Variants in PTPN2 observed in about 807,000 individuals in gnomAD.
PTPN2 encodes protein tyrosine phosphatase non-receptor type 2.
Under a neutral mutation model 57.3 loss-of-function variants are expected in PTPN2, and 19 were observed. The ratio of observed to expected loss-of-function variants is 0.33; its 90% CI spans 0.23 to 0.49. PTPN2 has a LOEUF of 0.49. Among genes scored for constraint, PTPN2 ranks in the 20% least tolerant of loss-of-function variants. The pLI is 0.99. For synonymous variants in PTPN2, 153 were observed against 164.9 expected, an observed-to-expected ratio of 0.93 and a Z score of 0.55; for missense variants, 358 against 501.1, an observed-to-expected ratio of 0.71 and a Z score of 2.73.
intron 1 of PTPN2, among the ~76,000 whole-genome samples, chr18:12,881,646 A>C (rs2044670248): frequency 6.6e-6 from 1 of 152,080 alleles, no homozygotes; most frequent in Non-Finnish European, 1.5e-5. Flanking sequence ...TGGAACAGTA[A>C]TTCTCTTCAC....
At chr18:12,807,551 G>C in intron 7 of PTPN2, among the ~76,000 whole-genome samples, 1 of 77,830 alleles carries the variant, frequency 1.3e-5, no homozygotes, top group East Asian at 4.3e-4. Flanking sequence ...AATGAATGGA[G>C]GGAGAAAGAA....
At position 12,794,912 on chromosome 18, in the gene PTPN2, G is replaced by A. The variant is rs1333878580; in HGVS notation, c.1041-427C>T. Among the ~76,000 whole-genome samples, 5 of 152,234 alleles carry A rather than the reference G, an allele frequency of 3.3e-5. No individual in the cohort carries two copies. In the South Asian group the frequency reaches 1.0e-3, roughly 32 times the overall value. On this transcript the variant is annotated intron_variant, in intron 8 of 8. Transcript: ENST00000309660. ...TCCTGAGATTACAGGTGTGAGCCAC[G>A]GCGCCCGGCCAAGAAAAGCCTCAAT...
intron 5 of PTPN2, among the ~76,000 whole-genome samples, chr18:12,818,491 C>T (rs1471775087): frequency 6.6e-6 from 1 of 152,144 alleles, no homozygotes; most frequent in African/African-American, 2.4e-5. Context: ...CCTGGATATT[C>T]CTGATGATCT....
intron 1 of PTPN2, among the ~76,000 whole-genome samples, chr18:12,881,761 A>C (rs2044674172): frequency 1.3e-5 from 2 of 152,106 alleles, no homozygotes; most frequent in Admixed American, 6.5e-5. Flanking sequence ...CTTTTTGGGA[A>C]ATACAGGACT....
intron 7 of PTPN2, among the ~76,000 whole-genome samples, chr18:12,809,367 G>C (rs2145284090): frequency 6.6e-6 from 1 of 152,274 alleles, no homozygotes; most frequent in African/African-American, 2.4e-5. Context: ...AGTGTATCTG[G>C]GCCCCTGCAG....
At chr18:12,812,742 A>G (rs2041935726) in intron 7 of PTPN2, among the ~76,000 whole-genome samples, 1 of 152,220 alleles carries the variant, frequency 6.6e-6, no homozygotes, top group Non-Finnish European at 1.5e-5. Context: ...GCAGAAATTA[A>G]CCCCTTGGAA....
intron 6 of PTPN2, among the ~76,000 whole-genome samples, chr18:12,814,768 G>A (rs1306241541): frequency 1.3e-5 from 2 of 151,792 alleles, no homozygotes; most frequent in Admixed American, 6.6e-5. Flanking sequence ...CTACAGACAC[G>A]ATGTCTGGAT....
At chr18:12,875,614 T>C (rs1306441812) in intron 1 of PTPN2, among the ~76,000 whole-genome samples, 1 of 152,194 alleles carries the variant, frequency 6.6e-6, no homozygotes, top group Non-Finnish European at 1.5e-5. Flanking sequence ...AGTTAAGGAA[T>C]AGAGAGTAGA....
At chr18:12,815,452 T>C (rs1423765861) in intron 6 of PTPN2, among the ~76,000 whole-genome samples, 1 of 151,772 alleles carries the variant, frequency 6.6e-6, no homozygotes, top group African/African-American at 2.4e-5. Flanking sequence ...TAAAATAAAA[T>C]GAAGAAAGAC....
intron 2 of PTPN2, among the ~76,000 whole-genome samples, chr18:12,853,536 T>C (rs1328152000): frequency 1.3e-5 from 2 of 152,190 alleles, no homozygotes; most frequent in East Asian, 3.8e-4. Context: ...TGAGCCCCTC[T>C]GGACTTAGTG....
At chr18:12,883,892 ACC>A in intron 1 of PTPN2, 179 bp downstream of exon 1, 1 of 471,418 alleles carries the variant, frequency 2.1e-6, no homozygotes, top group South Asian at 3.1e-5. Context: ...TTTTTTTTAA[ACC>A]AAAAGGAGCA....
At chr18:12,820,573 T>G (rs1489099212) in intron 5 of PTPN2, among the ~76,000 whole-genome samples, 1 of 152,144 alleles carries the variant, frequency 6.6e-6, no homozygotes, top group Admixed American at 6.5e-5. Flanking sequence ...ACTTTACAAT[T>G]TTTGGCAAAC....
chr18:12,802,245 G>T, intron 7 of PTPN2, 94 bp from the exon 8 acceptor site: 1 of 1,044,298 alleles, frequency 9.6e-7, no homozygotes, highest in Non-Finnish European at 1.3e-6. Flanking sequence ...CTATATTCAA[G>T]TTAAGAAAAC....
In PTPN2 at chr18:12,866,007, A is replaced by T. The variant is rs2043979481; in HGVS notation, c.70-6753T>A. ...ATGGTAGCACTTTTAATAATAGCTA[A>T]AACAATCATTTGTCCATCAACTGGT... On this transcript the variant is annotated intron_variant, in intron 1 of 8. Transcript: ENST00000309660. Among the ~76,000 whole-genome samples the T allele has an allele frequency of 2.0e-5, 3 of 152,234 alleles. No individual in the cohort carries two copies. The South Asian group carries it at 6.2e-4, about 31-fold the overall frequency.
At chr18:12,833,053 T>C (rs962737139) in intron 3 of PTPN2, among the ~76,000 whole-genome samples, 2 of 152,212 alleles carry the variant, frequency 1.3e-5, no homozygotes, top group Non-Finnish European at 2.9e-5. Flanking sequence ...CCTCCCCAAG[T>C]GCTGGGATTA....
chr18:12,844,869 C>T (rs1367742121), intron 2 of PTPN2, among the ~76,000 whole-genome samples: 1 of 152,170 alleles, frequency 6.6e-6, no homozygotes, highest in Non-Finnish European at 1.5e-5. Context: ...AAAGCTTTTA[C>T]ATTATGATCC....
intron 3 of PTPN2, among the ~76,000 whole-genome samples, chr18:12,833,663 T>C (rs2145383755): frequency 6.6e-6 from 1 of 152,182 alleles, no homozygotes; most frequent in Non-Finnish European, 1.5e-5. Context: ...AGTGGAGGGA[T>C]GTAGTTGGTG....
chr18:12,854,012 C>A (rs967316470), intron 2 of PTPN2, among the ~76,000 whole-genome samples: 2 of 151,994 alleles, frequency 1.3e-5, no homozygotes, highest in Non-Finnish European at 2.9e-5. Context: ...CGAGGAAAAG[C>A]GTAGTAGGGC....
intron 1 of PTPN2, 60 bp downstream of exon 1, chr18:12,884,013 C>T: frequency 4.2e-6 from 6 of 1,435,762 alleles, no homozygotes; most frequent in Non-Finnish European, 5.7e-6. Context: ...ACCCTGCGGA[C>T]AGGGCACGAG....
Sources: gnomAD v4.1 joint callset for allele counts (sites outside exome capture counted in the v4.1 genomes callset) on GRCh38, gnomAD v4.1.1 for gene constraint, MANE v1.5 for transcripts, NCBI Gene and HGNC (gene_info 2026-07-23, HGNC 2026-07-21) for gene names.